The following ANKS1B variants were observed in gnomAD, a reference collection of about 807,000 sequenced individuals.
ANKS1B encodes the protein ankyrin repeat and sterile alpha motif domain-containing protein 1B.
ANKS1B carries 36 observed loss-of-function variants against 148.3 expected under a neutral mutation model. The ratio of observed to expected loss-of-function variants is 0.24; its 90% CI spans 0.19 to 0.32. The LOEUF is 0.32. Ranked by LOEUF, ANKS1B falls within the 10% of genes least tolerant of loss-of-function variation. The pLI, the probability that ANKS1B is intolerant of heterozygous loss-of-function variation, is 1.00. For missense variants in ANKS1B, 1,157 were observed against 1,542.6 expected (o/e 0.75, Z 4.19); for synonymous variants, 542 against 560.8 (o/e 0.97, Z 0.47).
chr12:99,597,288 A>G (rs2097766250), intron 9 of ANKS1B, among the ~76,000 whole-genome samples: 1 of 151,838 alleles, frequency 6.6e-6, no homozygotes, highest in African/African-American at 2.4e-5. Flanking sequence ...AGCAAAAATT[A>G]CAACACACTA....
At chr12:99,512,932 T>C (rs1387695063) in intron 9 of ANKS1B, among the ~76,000 whole-genome samples, 1 of 151,742 alleles carries the variant, frequency 6.6e-6, no homozygotes, top group Non-Finnish European at 1.5e-5. Context: ...TCAGAAAGAA[T>C]AGCTAATAGA....
intron 14 of ANKS1B, among the ~76,000 whole-genome samples, chr12:99,196,968 A>C (rs936541630): frequency 1.3e-5 from 2 of 152,102 alleles, no homozygotes; most frequent in Admixed American, 1.3e-4. Context: ...TTCCAGGCTT[A>C]TATCATCCTA....
chr12:98,979,831 C>G (rs2099906560), intron 17 of ANKS1B, among the ~76,000 whole-genome samples: 1 of 152,036 alleles, frequency 6.6e-6, no homozygotes, highest in Non-Finnish European at 1.5e-5. Flanking sequence ...ATTTGGTAGC[C>G]ATTATTTCTT....
chr12:99,903,733 C>T (rs760794026), intron 1 of ANKS1B, among the ~76,000 whole-genome samples: 20 of 150,266 alleles, frequency 1.3e-4, no homozygotes, highest in African/African-American at 2.2e-4. Flanking sequence ...TTGGGGACTC[C>T]GGAGGAAAAA....
intron 11 of ANKS1B, among the ~76,000 whole-genome samples, chr12:99,417,512 ATTT>A (rs766479285): frequency 6.6e-6 from 1 of 151,288 alleles, no homozygotes; most frequent in Non-Finnish European, 1.5e-5. Context: ...TTCTCTTTCG[ATTT>A]TTTTTTAGTT....
intron 1 of ANKS1B, among the ~76,000 whole-genome samples, chr12:99,968,431 G>A (rs572969718): frequency 2.6e-5 from 4 of 152,258 alleles, no homozygotes; most frequent in Middle Eastern, 3.4e-3. Flanking sequence ...GGTGGCGGGC[G>A]CCTGTAGTCC....
chr12:99,508,920 G>A (rs922123894), intron 9 of ANKS1B, among the ~76,000 whole-genome samples: 2 of 151,840 alleles, frequency 1.3e-5, no homozygotes, highest in African/African-American at 4.8e-5. Context: ...CGGGCATTGA[G>A]CAAGTCTATC....
At chr12:99,298,616 G>A (rs1285328212) in intron 12 of ANKS1B, among the ~76,000 whole-genome samples, 2 of 152,046 alleles carry the variant, frequency 1.3e-5, no homozygotes, top group Non-Finnish European at 2.9e-5. Flanking sequence ...CTTTATTTTT[G>A]TATCAATCCT....
intron 12 of ANKS1B, among the ~76,000 whole-genome samples, chr12:99,294,741 C>T (rs1210518552): frequency 1.3e-5 from 2 of 152,038 alleles, no homozygotes; most frequent in African/African-American, 2.4e-5. Flanking sequence ...ACAATCCCCG[C>T]CTTCCAGGTT....
intron 8 of ANKS1B, among the ~76,000 whole-genome samples, chr12:99,697,751 T>C (rs763109172): frequency 5.9e-5 from 9 of 152,146 alleles, no homozygotes; most frequent in Non-Finnish European, 2.9e-5. Flanking sequence ...TAGTTAATAA[T>C]AATGTATCAA....
chr12:98,840,794 C>A (rs969112308), intron 17 of ANKS1B, among the ~76,000 whole-genome samples: 3 of 152,194 alleles, frequency 2.0e-5, no homozygotes, highest in African/African-American at 7.2e-5. Flanking sequence ...CAGTTCCCAA[C>A]TAATTTCCCT....
At chr12:99,399,280 A>G (rs1445945146) in intron 12 of ANKS1B, among the ~76,000 whole-genome samples, 1 of 152,110 alleles carries the variant, frequency 6.6e-6, no homozygotes, top group East Asian at 1.9e-4. Context: ...TCCTTGATAT[A>G]AGTTCTCCGG....
chr12:99,447,720 C>T (rs1484294738), intron 10 of ANKS1B, among the ~76,000 whole-genome samples: 1 of 152,000 alleles, frequency 6.6e-6, no homozygotes, highest in East Asian at 1.9e-4. Context: ...AAGGAGTTAA[C>T]ATCCAAAATA....
At chr12:98,735,543 A>G (rs763183597) in exon 10 of ANKS1B, 5 of 761,598 alleles carry the variant, frequency 6.6e-6, no homozygotes, top group Middle Eastern at 2.3e-4. Flanking sequence ...TATCAGCTAT[A>G]TGTAAATTCA....
chr12:99,454,100 A>G (rs78616051), intron 10 of ANKS1B, among the ~76,000 whole-genome samples: 4,365 of 152,322 alleles, frequency 0.029, 211 homozygotes, highest in African/African-American at 0.1. Context: ...GAAGCTATAA[A>G]TAGTTCAGCT....
intron 8 of ANKS1B, among the ~76,000 whole-genome samples, chr12:99,699,690 A>T (rs1440783663): frequency 6.6e-6 from 1 of 152,216 alleles, no homozygotes; most frequent in Non-Finnish European, 1.5e-5. Context: ...AAGATTTTAT[A>T]CTTCAGGATA....
chr12:99,699,487 G>A (rs1827570676), intron 8 of ANKS1B, among the ~76,000 whole-genome samples: 1 of 152,046 alleles, frequency 6.6e-6, no homozygotes, highest in African/African-American at 2.4e-5. Context: ...AAGCCGTTAA[G>A]AAATACCAAC....
intron 17 of ANKS1B, among the ~76,000 whole-genome samples, chr12:98,882,042 T>C (rs117373721): frequency 6.6e-6 from 1 of 152,270 alleles, no homozygotes; most frequent in Non-Finnish European, 1.5e-5. Context: ...GTTATAATAC[T>C]TAAAGCTGCA....
At chr12:98,808,031 A>T (rs986245382) in intron 19 of ANKS1B, 113 bp from the exon 20 acceptor site, 2 of 812,576 alleles carry the variant, frequency 2.5e-6, no homozygotes, top group Non-Finnish European at 3.8e-6. Context: ...AATCACATTT[A>T]AAAAAAACTC....
Sources: allele counts gnomAD v4.1 joint callset (sites outside exome capture counted in the v4.1 genomes callset), GRCh38; gene constraint gnomAD v4.1.1; transcripts MANE v1.5; gene names NCBI Gene and HGNC (gene_info 2026-07-23, HGNC 2026-07-21).